The following TTC7B variants were observed in gnomAD, a reference collection of about 807,000 sequenced individuals.
The protein encoded by TTC7B is tetratricopeptide repeat protein 7B.
A neutral mutation model predicts 106.8 loss-of-function variants in TTC7B; 28 were observed. The ratio of observed to expected loss-of-function variants is 0.26; its 90% CI spans 0.19 to 0.36. The LOEUF is 0.36. Among genes scored for constraint, TTC7B ranks in the 10% least tolerant of loss-of-function variants. TTC7B has a pLI of 1.00. For missense variants in TTC7B, 862 were observed against 1,076.4 expected, an observed-to-expected ratio of 0.80 and a Z score of 2.79; for synonymous variants, 405 against 430.6, an observed-to-expected ratio of 0.94 and a Z score of 0.74.
chr14:90,638,255 T>A (rs1885029430), intron 15 of TTC7B, among the ~76,000 whole-genome samples: 2 of 152,008 alleles, frequency 1.3e-5, no homozygotes, highest in African/African-American at 2.4e-5. Context: ...ACTAGTACAG[T>A]AAGACAAGTT....
intron 1 of TTC7B, among the ~76,000 whole-genome samples, chr14:90,795,548 G>A (rs562775187): frequency 6.6e-6 from 1 of 152,270 alleles, no homozygotes; most frequent in East Asian, 1.9e-4. Context: ...TGGCAGCCCT[G>A]GGCTTAAATC....
chr14:90,752,488 G>A (rs574670696), intron 3 of TTC7B, among the ~76,000 whole-genome samples: 2 of 152,358 alleles, frequency 1.3e-5, no homozygotes, highest in South Asian at 4.1e-4. Context: ...CTCATTGCCT[G>A]AAAATTCAGT....
At chr14:90,587,551 G>A (rs1416330863) in intron 18 of TTC7B, among the ~76,000 whole-genome samples, 3 of 152,190 alleles carry the variant, frequency 2.0e-5, no homozygotes, top group African/African-American at 7.2e-5. Flanking sequence ...AGTGTGTGCA[G>A]GCCCCCTCTG....
At chr14:90,586,750 C>T (rs765321592) in intron 18 of TTC7B, among the ~76,000 whole-genome samples, 5 of 152,194 alleles carry the variant, frequency 3.3e-5, no homozygotes, top group African/African-American at 7.2e-5. Context: ...AACATCCAGC[C>T]GCCTGCCTGG....
chr14:90,773,986 A>G (rs1411488677), intron 3 of TTC7B, among the ~76,000 whole-genome samples: 1 of 152,156 alleles, frequency 6.6e-6, no homozygotes, highest in African/African-American at 2.4e-5. Context: ...AAAAATAAAG[A>G]GCCCTGGACC....
chr14:90,638,074 G>A (rs1308112654), intron 15 of TTC7B, among the ~76,000 whole-genome samples: 1 of 151,168 alleles, frequency 6.6e-6, no homozygotes, highest in Non-Finnish European at 1.5e-5. Context: ...ATCTAGAGAT[G>A]GGGTCTCACA....
intron 4 of TTC7B, among the ~76,000 whole-genome samples, chr14:90,736,926 G>GTATATATACA (rs1889556432): frequency 7.0e-6 from 1 of 143,584 alleles, no homozygotes. Context: ...GTATATATAC[G>GTATATATACA]TATATACACA....
At chr14:90,552,801 C>A (rs759046214) in intron 19 of TTC7B, among the ~76,000 whole-genome samples, 1 of 152,162 alleles carries the variant, frequency 6.6e-6, no homozygotes, top group Non-Finnish European at 1.5e-5. Flanking sequence ...GGCCTGGGGT[C>A]GAACACGGAA....
chr14:90,661,365 G>A (rs554892863), intron 9 of TTC7B, among the ~76,000 whole-genome samples: 1 of 152,316 alleles, frequency 6.6e-6, no homozygotes, highest in East Asian at 1.9e-4. Flanking sequence ...GGAGCACAGC[G>A]GGGAGGCAGA....
rs182058729 is a variant in TTC7B, at chr14:90,716,540, C to T, written c.698+13535G>A. 9.9e-5 allele frequency among the ~76,000 whole-genome samples: 15 copies of T among 152,256 alleles called. No homozygotes were observed. The East Asian group carries it at 2.5e-3, about 25-fold the overall frequency. ...TTCATCTTATATCCCCAGAGCTTAC[C>T]CAGCAGGCTCTCAATAAACATTCAT... On this transcript the variant is annotated intron_variant, in intron 5 of 19. Transcript: ENST00000328459.
chr14:90,680,381 A>G (rs991209176), intron 8 of TTC7B, 91 bp downstream of exon 8: 27 of 977,886 alleles, frequency 2.8e-5, no homozygotes, highest in Non-Finnish European at 4.2e-5. Context: ...TTCTCTTAAG[A>G]AAAAGAGTCA....
At chr14:90,547,172 C>CT (rs1889873146) in intron 19 of TTC7B, among the ~76,000 whole-genome samples, 1 of 152,236 alleles carries the variant, frequency 6.6e-6, no homozygotes, top group East Asian at 1.9e-4. Context: ...TAGATGAAGG[C>CT]TGCCTCCCAA....
rs1192258632 is a variant in TTC7B at position 90,675,053 on chromosome 14, C to G, written c.1152+1470G>C. On this transcript the variant is annotated intron_variant, in intron 9 of 19. Transcript: ENST00000328459. ...AGCCACAGCTTGCAGAGGAAACCAC[C>G]AGGGTGATGACCACCCCCTAGAACG... 2.2e-5 allele frequency: 3 copies of G among 137,800 alleles called. No individual in the cohort carries two copies. In the East Asian group the frequency reaches 6.1e-4, roughly 28 times the overall value. 8.5% of individuals were successfully genotyped at this position (137,800 alleles called of 1,614,324 possible).
chr14:90,617,788 T>C (rs1434200210), intron 16 of TTC7B, 141 bp downstream of exon 16: 14 of 664,816 alleles, frequency 2.1e-5, no homozygotes, highest in Non-Finnish European at 3.3e-5. Flanking sequence ...GAAGCTCCAC[T>C]GCTATCATCT....
chr14:90,639,193 G>A (rs556537430), intron 15 of TTC7B, among the ~76,000 whole-genome samples: 5 of 152,266 alleles, frequency 3.3e-5, no homozygotes, highest in Admixed American at 2.6e-4. Context: ...TAAAGGAAAC[G>A]ACTTCTACTT....
intron 15 of TTC7B, among the ~76,000 whole-genome samples, chr14:90,632,277 G>C (rs1400068311): frequency 1.3e-5 from 2 of 152,080 alleles, no homozygotes; most frequent in African/African-American, 2.4e-5. Context: ...ACTCAGCTCA[G>C]GCAAAAAATT....
intron 2 of TTC7B, among the ~76,000 whole-genome samples, chr14:90,785,124 A>C (rs1224375577): frequency 6.6e-6 from 1 of 152,146 alleles, no homozygotes; most frequent in Non-Finnish European, 1.5e-5. Context: ...TCAAACCTAA[A>C]GAAACTGAGC....
intron 3 of TTC7B, among the ~76,000 whole-genome samples, chr14:90,748,440 T>C (rs1890035690): frequency 6.6e-6 from 1 of 152,092 alleles, no homozygotes; most frequent in Non-Finnish European, 1.5e-5. Flanking sequence ...GCGATTCTCG[T>C]GCCTCAGCCT....
rs1286486 is a variant in TTC7B at position 90,575,642 on chromosome 14, C to G, written c.2310+2464G>C. On this transcript the variant is annotated intron_variant, in intron 19 of 19. Coordinates refer to ENST00000328459, the MANE Select transcript of TTC7B (RefSeq NM_001010854.2). The surrounding 1 kb of genome is among the most constrained non-coding windows in gnomAD (Gnocchi z 5.2). The stretch of plus-strand genomic sequence containing the variant: ...CTCCCCCTGGCTGTGGGCTGGGCTC[C>G]TGGGGACAGGCTGGGGAGAACACAG... 6.6e-6 allele frequency among the ~76,000 whole-genome samples: 1 copy of G among 152,028 alleles called. No individual in the cohort carries two copies. The highest frequency in any genetic ancestry group is 1.5e-5 in the Non-Finnish European group (1 of 67,982).
Sources: gnomAD v4.1 joint callset for allele counts (sites outside exome capture counted in the v4.1 genomes callset) on GRCh38, gnomAD v4.1.1 for gene constraint, Gnocchi (gnomAD v3.1) non-coding constraint, MANE v1.5 for transcripts, NCBI Gene and HGNC (gene_info 2026-07-23, HGNC 2026-07-21) for gene names.